STPG3: variants seen among roughly 807,000 people sequenced by gnomAD.
STPG3 encodes the protein sperm-tail PG-rich repeat containing 3, also known as protein STPG3.
Under a neutral mutation model 32.5 loss-of-function variants are expected in STPG3, and 39 were observed. The ratio of observed to expected loss-of-function variants is 1.20; its 90% confidence interval spans 0.93 to 1.57. STPG3 has a LOEUF of 1.57. Among genes scored for constraint, STPG3 ranks in the 40% most tolerant of loss-of-function variants. STPG3 has a pLI of 0.00. For missense variants in STPG3, 507 were observed against 407.6 expected, an observed-to-expected ratio of 1.24 and a Z score of -2.10; for synonymous variants, 209 against 172.4, an observed-to-expected ratio of 1.21 and a Z score of -1.66.
chr9:137,252,105 T>G lies in STPG3; in HGVS notation c.373T>G (p.Tyr125Asp), dbSNP rs1245931798. ...ACGAGAGTCCTCCCCACACCCCCAC[T>G]ACAGCATCGGCTGCAAGCACCAGGG... ...SVRESSPHPH[Y>D]SIGCKHQGRE... The change falls in exon 3 of 6, where the codon TAC (tyrosine) becomes GAC (aspartate). Residue 125 changes from tyrosine (Y) to aspartate (D), a missense_variant. By Grantham distance (160) the Tyr-to-Asp change is radical. Transcript: ENST00000412566. The G allele has an allele frequency of 1.9e-6, 3 of 1,611,982 alleles. No individual in the cohort carries two copies. Among genetic ancestry groups the G allele is most frequent in the Non-Finnish European group, 2.5e-6 (3 of 1,179,700 alleles).
intron 5 of STPG3, 26 bp from the exon 6 acceptor site, chr9:137,253,089 G>A (rs1837446469): frequency 4.5e-6 from 7 of 1,545,176 alleles, no homozygotes; most frequent in Admixed American, 1.9e-5. Context: ...TACCTGGGTG[G>A]GGCTCCCAGC....
Position 137,252,655 on chromosome 9 carries a change from C to G in STPG3, c.493-7C>G, listed in dbSNP as rs1837405416. 6.5e-7 allele frequency: 1 copy of G among 1,539,238 alleles called. No individual in the cohort carries two copies. Among genetic ancestry groups the G allele is most frequent in the African/African-American group, 1.4e-5 (1 of 72,816 alleles). Reference sequence around the variant, plus strand: ...TGCCCTGCAGCCCGTCTCCTACCCCCTCGCAGTGGCCCTCGCCAGCCCACT... The same window carrying G: ...TGCCCTGCAGCCCGTCTCCTACCCCGTCGCAGTGGCCCTCGCCAGCCCACT... On this transcript the variant is annotated splice_polypyrimidine_tract_variant and splice_region_variant and intron_variant, in intron 4 of 5. Coordinates refer to ENST00000412566, the MANE Select transcript of STPG3 (RefSeq NM_001004353.4).
At position 137,252,530 on chromosome 9, in the gene STPG3, G is replaced by A; in HGVS notation, c.492+5G>A. The A allele has an allele frequency of 6.3e-7, 1 of 1,589,934 alleles. No homozygotes were observed. The highest frequency in any genetic ancestry group is 8.6e-7 in the Non-Finnish European group (1 of 1,168,624). On this transcript the variant is annotated splice_donor_5th_base_variant and intron_variant, in intron 4 of 5. Transcript: ENST00000412566. The stretch of plus-strand genomic sequence containing the variant: ...GACTTCGACCAAGAGCAAAAGGTTG[G>A]GGGCTGGGCAGGAAGGGGGCGGGGA...
chr9:137,252,310 G>C (rs1837378343), intron 3 of STPG3, 127 bp from the exon 4 acceptor site: 1 of 1,319,606 alleles, frequency 7.6e-7, no homozygotes, highest in Admixed American at 2.0e-5. Context: ...CTAGGGCTGG[G>C]GCATGGGTGG....
Position 137,253,386 on chromosome 9 carries a change from T to C in STPG3, c.*141T>C. ...GGGCACCCCGATGCACCCTTCTGGC[T>C]GGCCAACCCTTCTATGGGCTGTGGA... On this transcript the variant is annotated 3_prime_UTR_variant, in exon 6 of 6. Transcript: ENST00000412566. 6.6e-7 allele frequency: 1 copy of C among 1,509,952 alleles called. No individual in the cohort carries two copies. The highest frequency in any genetic ancestry group is 8.8e-7 in the Non-Finnish European group (1 of 1,134,746). The allele number at this position is 1,509,952 out of a possible 1,614,324, so 93.5% of individuals were successfully genotyped here.
chr9:137,252,408 C>A, intron 3 of STPG3, 29 bp from the exon 4 acceptor site: 1 of 1,599,352 alleles, frequency 6.3e-7, no homozygotes, highest in Non-Finnish European at 8.5e-7. Context: ...GGGCTCCCAG[C>A]CTTCTCTCTC....
At position 137,252,817 on chromosome 9, in the gene STPG3, C is replaced by G; in HGVS notation, c.648C>G (p.Ser216=). The G allele has an allele frequency of 6.4e-7, 1 of 1,567,974 alleles. No individual in the cohort carries two copies. Among genetic ancestry groups the G allele is most frequent in the Non-Finnish European group, 8.6e-7 (1 of 1,157,038 alleles). ...RGLGLRVQPQ[S]LLQASLQAPG... The stretch of plus-strand genomic sequence containing the variant: ...TGGGCCTCAGGGTGCAGCCCCAGTC[C>G]CTGCTTCAGGCCTCTTTGCAGGCAC... The change falls in exon 5 of 6, where the codon TCC becomes TCG. Residue 216 remains serine, a synonymous_variant. Coordinates refer to ENST00000412566, the MANE Select transcript of STPG3 (RefSeq NM_001004353.4).
intron 2 of STPG3, 35 bp from the exon 3 acceptor site, chr9:137,251,966 G>A (rs2131460990): frequency 1.2e-6 from 2 of 1,601,632 alleles, no homozygotes; most frequent in East Asian, 2.3e-5. Flanking sequence ...CCCGCTGAAA[G>A]GAGCCCAGGC....
At chr9:137,251,487 G>A (rs1260721141) in intron 1 of STPG3, 91 bp downstream of exon 1, 26 of 1,129,556 alleles carry the variant, frequency 2.3e-5, no homozygotes, top group East Asian at 4.7e-5. Context: ...CTGGGCAGGC[G>A]GCTGGGGGAC....
chr9:137,252,194 G>A lies in STPG3; in HGVS notation c.403+59G>A, dbSNP rs937229736. The stretch of plus-strand genomic sequence containing the variant: ...GCCTGTCCCTCACCCTGGGAATGGG[G>A]GCCTTTGCCTCTGTGCTGAAACCCC... On this transcript the variant is annotated intron_variant, in intron 3 of 5. Coordinates refer to ENST00000412566, the MANE Select transcript of STPG3 (RefSeq NM_001004353.4). 7.7e-6 allele frequency: 12 copies of A among 1,565,362 alleles called. No individual in the cohort carries two copies. The East Asian group carries it at 1.8e-4, about 24-fold the overall frequency.
rs371684833 is a variant in STPG3, at chr9:137,251,299, G to C, written c.13G>C (p.Asp5His). 1 of 1,612,046 alleles carries C rather than the reference G, an allele frequency of 6.2e-7. No homozygotes were observed. The highest frequency in any genetic ancestry group is 1.3e-5 in the African/African-American group (1 of 74,982). ...CCAGGAGACTCTGATGATGAATTCT[G>C]ACCAGAAGGCAGTGAAATTCCTGGC... MMNS[D>H]QKAVKFLANF... Residue 5 changes from aspartate to histidine, a missense_variant, in exon 1 of 6, where the codon GAC becomes CAC. Transcript: ENST00000412566.
In STPG3 at chr9:137,251,824, T is replaced by C. The variant is rs1253302050; in HGVS notation, c.197T>C (p.Val66Ala). The change falls in exon 2 of 6, where the codon GTT becomes GCT. Residue 66 changes from valine (V) to alanine (A), a missense_variant. Transcript: ENST00000412566. ...CCCCCAAAGATGAAGGAGATCCCAG[T>C]TGGCCTCAGGTTACAGACGGGCACC... ...TQPPKMKEIP[V>A]GLRLQTGTPQ... The C allele has an allele frequency of 6.2e-7, 1 of 1,605,228 alleles. No homozygotes were observed. Among genetic ancestry groups the C allele is most frequent in the Non-Finnish European group, 8.5e-7 (1 of 1,175,984 alleles).
chr9:137,252,150 C>A lies in STPG3; in HGVS notation c.403+15C>A. Reference sequence around the variant, plus strand: ...CCAGGGCCGAGGTGTGTGTCCCCTCCCTGAGGCCCAACCACCGGGCCTGTC... The same window carrying A: ...CCAGGGCCGAGGTGTGTGTCCCCTCACTGAGGCCCAACCACCGGGCCTGTC... On this transcript the variant is annotated intron_variant, in intron 3 of 5. Coordinates refer to ENST00000412566, the MANE Select transcript of STPG3 (RefSeq NM_001004353.4). 3.1e-6 allele frequency: 5 copies of A among 1,598,770 alleles called. No homozygotes were observed. The highest frequency in any genetic ancestry group is 4.3e-6 in the Non-Finnish European group (5 of 1,171,748).
In STPG3 at chr9:137,252,673, A is replaced by G. The variant is rs2131464846; in HGVS notation, c.504A>G (p.Pro168=). ...DFDQEQKWPS[P]AHYQLLSRPA... ...CTACCCCCTCGCAGTGGCCCTCGCC[A>G]GCCCACTACCAGCTGCTCAGCCGGC... is the stretch of plus-strand genomic sequence containing the variant. The change falls in exon 5 of 6, where the codon CCA becomes CCG. Residue 168 remains proline, a synonymous_variant. Coordinates refer to ENST00000412566, the MANE Select transcript of STPG3 (RefSeq NM_001004353.4). 6.5e-7 allele frequency: 1 copy of G among 1,547,460 alleles called. No individual in the cohort carries two copies. Among genetic ancestry groups the G allele is most frequent in the East Asian group, 2.5e-5 (1 of 40,816 alleles).
At chr9:137,252,270 C>A in intron 3 of STPG3, 135 bp downstream of exon 3, 1 of 1,370,674 alleles carries the variant, frequency 7.3e-7, no homozygotes, top group African/African-American at 1.4e-5. Context: ...CTAGGCTCAG[C>A]ACCTGTAAGG....
At position 137,252,984 on chromosome 9, in the gene STPG3, A is replaced by G; in HGVS notation, c.796+19A>G. 1 of 1,580,776 alleles carries G rather than the reference A, an allele frequency of 6.3e-7. No individual in the cohort carries two copies. Among genetic ancestry groups the G allele is most frequent in the South Asian group, 1.1e-5 (1 of 87,104 alleles). On this transcript the variant is annotated intron_variant, in intron 5 of 5. Transcript: ENST00000412566. The stretch of plus-strand genomic sequence containing the variant: ...AGCACCTGTAAGGAGGCCTGGAGAG[A>G]AGAGGGCTAGGGATGGGGCATGGGT...
Position 137,253,382 on chromosome 9 carries a change from T to C in STPG3, c.*137T>C. On this transcript the variant is annotated 3_prime_UTR_variant, in exon 6 of 6. Coordinates refer to ENST00000412566, the MANE Select transcript of STPG3 (RefSeq NM_001004353.4). ...CTCTGGGCACCCCGATGCACCCTTC[T>C]GGCTGGCCAACCCTTCTATGGGCTG... The C allele has an allele frequency of 6.6e-7, 1 of 1,514,068 alleles. No homozygotes were observed. Among genetic ancestry groups the C allele is most frequent in the Non-Finnish European group, 8.8e-7 (1 of 1,136,646 alleles). 93.8% of individuals were successfully genotyped at this position (1,514,068 alleles called of 1,614,324 possible).
rs762634957 is a variant in STPG3, at chr9:137,252,475, C to G, written c.442C>G (p.Gln148Glu). The stretch of plus-strand genomic sequence containing the variant: ...CAGGGCATGGCAGACTTTGTGGTTC[C>G]AGAGCGAAAGCCCCTTCACGCAGAA... Reference protein sequence around the residue: ...GRRAWQTLWFQSESPFTQKAD... With the variant: ...GRRAWQTLWFESESPFTQKAD... Residue 148 changes from glutamine (Q) to glutamate (E), a missense_variant, in exon 4 of 6, where the codon CAG becomes GAG. Transcript: ENST00000412566. 2 of 1,610,532 alleles carry G rather than the reference C, an allele frequency of 1.2e-6. No homozygotes were observed. Among genetic ancestry groups the G allele is most frequent in the Non-Finnish European group, 1.7e-6 (2 of 1,178,850 alleles).
rs931693506 is a variant in STPG3 at position 137,253,130 on chromosome 9, C to T, written c.812C>T (p.Pro271Leu). 3 of 1,576,952 alleles carry T rather than the reference C, an allele frequency of 1.9e-6. No individual in the cohort carries two copies. The highest frequency in any genetic ancestry group is 2.6e-6 in the Non-Finnish European group (3 of 1,158,132). Reference protein sequence around the residue: ...SWLSTSRTPGPAAYHVEDCNS... With the variant: ...SWLSTSRTPGLAAYHVEDCNS... ...CTTTCGGCAGCCCGAACCCCTGGCC[C>T]AGCCGCCTACCACGTGGAGGACTGC... Residue 271 changes from proline (P) to leucine (L), a missense_variant, in exon 6 of 6, where the codon CCA becomes CTA. Transcript: ENST00000412566.
Sources: gnomAD v4.1 joint callset for allele counts on GRCh38, gnomAD v4.1.1 for gene constraint, MANE v1.5 for transcripts, NCBI Gene and HGNC (gene_info 2026-07-23, HGNC 2026-07-21) for gene names.